Variants in PRPF39 observed in about 807,000 individuals in gnomAD.
PRPF39 encodes pre-mRNA processing factor 39.
Under a neutral mutation model 82.1 loss-of-function variants are expected in PRPF39, and 27 were observed. That is an observed-to-expected ratio of 0.33 (90% CI 0.24 to 0.45). The LOEUF is 0.45. PRPF39 is among the 20% of genes least tolerant of loss of function. The pLI is 1.00. For synonymous variants in PRPF39, 261 were observed against 256.4 expected (o/e 1.02, Z -0.17); for missense variants, 581 against 796.9 (o/e 0.73, Z 3.26).
rs775755309 is a variant in PRPF39 at position 45,092,600 on chromosome 14, C to CAAAAAAA, written c.-19-2603_-19-2597dup. 3.9e-5 allele frequency among the ~76,000 whole-genome samples: 2 copies of CAAAAAAA among 51,482 alleles called. 1 individual carries two copies. Among genetic ancestry groups the CAAAAAAA allele is most frequent in the African/African-American group, 1.2e-4 (2 of 16,058 alleles). The allele number at this position is 51,482 out of a possible 152,430, so 33.8% of individuals were successfully genotyped here. On this transcript the variant is annotated intron_variant, in intron 1 of 13. Coordinates refer to ENST00000355765, the MANE Select transcript of PRPF39 (RefSeq NM_017922.4). The stretch of plus-strand genomic sequence containing the variant: ...TGGGTGACAGATCGAGACTCTGTCT[C>CAAAAAAA]AAAAAAAAAAAAAAAAAAAAAAAAG...
In PRPF39 at chr14:45,096,916, T is replaced by A. The variant is rs1000122019; in HGVS notation, c.480T>A (p.Pro160=). Reference sequence around the variant, plus strand: ...ATCGGCGGGGGCTTCAGGCAATACCTCTTAGTGTTGACCTTTGGATACATT... The same window carrying A: ...ATCGGCGGGGGCTTCAGGCAATACCACTTAGTGTTGACCTTTGGATACATT... ...EVYRRGLQAI[P]LSVDLWIHYI... is the part of the protein sequence containing the mutation. Residue 160 remains proline, a synonymous_variant, in exon 4 of 14, where the codon CCT becomes CCA. Transcript: ENST00000355765. 1.9e-6 allele frequency: 3 copies of A among 1,546,918 alleles called. No individual in the cohort carries two copies. The highest frequency in any genetic ancestry group is 2.4e-5 in the East Asian group (1 of 40,988).
At chr14:45,088,006 C>A (rs1286961433) in intron 1 of PRPF39, among the ~76,000 whole-genome samples, 1 of 152,050 alleles carries the variant, frequency 6.6e-6, no homozygotes, top group Admixed American at 6.5e-5. Flanking sequence ...GTTTATTGTT[C>A]AATGAATTGA....
At chr14:45,099,632 G>A (rs1044910460) in intron 4 of PRPF39, among the ~76,000 whole-genome samples, 1 of 151,974 alleles carries the variant, frequency 6.6e-6, no homozygotes, top group Non-Finnish European at 1.5e-5. Context: ...TTTTAGTAGA[G>A]ACAGGGTTTC....
At chr14:45,090,183 C>T (rs1325858214) in intron 1 of PRPF39, among the ~76,000 whole-genome samples, 1 of 152,076 alleles carries the variant, frequency 6.6e-6, no homozygotes, top group Non-Finnish European at 1.5e-5. Context: ...AATCTTCAAA[C>T]GTATCTTTTT....
At chr14:45,087,840 G>A (rs1375129135) in intron 1 of PRPF39, among the ~76,000 whole-genome samples, 1 of 150,426 alleles carries the variant, frequency 6.6e-6, no homozygotes, top group Non-Finnish European at 1.5e-5. Context: ...GCCCGCCTCA[G>A]CCTCCCAAAG....
At chr14:45,093,045 A>G (rs539762098) in intron 1 of PRPF39, among the ~76,000 whole-genome samples, 2 of 152,280 alleles carry the variant, frequency 1.3e-5, no homozygotes, top group Non-Finnish European at 2.9e-5. Context: ...ATGGAGAACA[A>G]TTGTTAACAC....
chr14:45,110,659 G>A lies in PRPF39; in HGVS notation c.1414G>A (p.Glu472Lys). The change falls in exon 10 of 14, where the codon GAA (glutamate) becomes AAA (lysine). Residue 472 changes from glutamate to lysine, a missense_variant. Transcript: ENST00000355765. This position sits in a 1 kb window ranked among gnomAD's most constrained non-coding sequence, Gnocchi z 4.0. ...TTTAGAACGACGGCATGGAAATCTG[G>A]AAGAAGCTGAACATTTGCTTCAGGA... The part of the protein sequence containing the change: ...VSLERRHGNL[E>K]EAEHLLQDAI... 6.3e-7 allele frequency: 1 copy of A among 1,576,438 alleles called. No individual in the cohort carries two copies. The highest frequency in any genetic ancestry group is 8.6e-7 in the Non-Finnish European group (1 of 1,159,562).
chr14:45,102,482 G>A, intron 4 of PRPF39, 47 bp from the exon 5 acceptor site: 1 of 1,432,160 alleles, frequency 7.0e-7, no homozygotes, highest in Non-Finnish European at 9.4e-7. Context: ...TATTTTAAAA[G>A]TGATTTTATC....
rs1884775482 is a variant in PRPF39, at chr14:45,114,274, T to C, written c.1832+17T>C. On this transcript the variant is annotated intron_variant, in intron 12 of 13. Transcript: ENST00000355765. The stretch of plus-strand genomic sequence containing the variant: ...AGAAAATGGGTATGTCACTTTTTGC[T>C]AAGTCAAGAAGGCGTGCTTCATTAT... 1 of 1,559,402 alleles carries C rather than the reference T, an allele frequency of 6.4e-7. No homozygotes were observed. Among genetic ancestry groups the C allele is most frequent in the Non-Finnish European group, 8.8e-7 (1 of 1,136,528 alleles).
intron 7 of PRPF39, 26 bp downstream of exon 7, chr14:45,108,548 C>A: frequency 6.4e-7 from 1 of 1,564,476 alleles, no homozygotes; most frequent in Non-Finnish European, 8.6e-7. Flanking sequence ...TTGTAATAGT[C>A]TTTAAAATAC....
chr14:45,085,850 C>G (rs1883809600), intron 1 of PRPF39, among the ~76,000 whole-genome samples: 1 of 151,230 alleles, frequency 6.6e-6, no homozygotes, highest in Non-Finnish European at 1.5e-5. Flanking sequence ...GTGATGACTT[C>G]AGATTTTTAT....
intron 1 of PRPF39, among the ~76,000 whole-genome samples, chr14:45,087,801 A>C (rs1367904102): frequency 7.2e-6 from 1 of 139,536 alleles, no homozygotes. Context: ...GTTAGACAGG[A>C]TGGTCTCTAT....
intron 10 of PRPF39, among the ~76,000 whole-genome samples, chr14:45,111,658 T>TGA (rs1884702673): frequency 7.0e-6 from 1 of 143,298 alleles, no homozygotes; most frequent in Non-Finnish European, 1.5e-5. Context: ...TTTTTTTTTT[T>TGA]GAGACAGAGT....
intron 1 of PRPF39, among the ~76,000 whole-genome samples, chr14:45,087,474 T>C (rs1883869029): frequency 6.6e-6 from 1 of 152,154 alleles, no homozygotes. Context: ...TTCATTTTTA[T>C]ACCGAGGTAT....
intron 1 of PRPF39, among the ~76,000 whole-genome samples, chr14:45,093,851 G>A (rs891018180): frequency 6.6e-6 from 1 of 152,112 alleles, no homozygotes; most frequent in South Asian, 2.1e-4. Flanking sequence ...CACCACGCCC[G>A]GCCAAAGCAG....
chr14:45,089,855 G>A (rs1883965493), intron 1 of PRPF39, among the ~76,000 whole-genome samples: 1 of 152,168 alleles, frequency 6.6e-6, no homozygotes, highest in South Asian at 2.1e-4. Flanking sequence ...TAACTTTAGT[G>A]TATTCTTTTG....
At chr14:45,101,544 C>T (rs1201785268) in intron 4 of PRPF39, among the ~76,000 whole-genome samples, 1 of 151,928 alleles carries the variant, frequency 6.6e-6, no homozygotes, top group African/African-American at 2.4e-5. Context: ...CAGCTCACTG[C>T]CACTTTCGCC....
intron 1 of PRPF39, among the ~76,000 whole-genome samples, chr14:45,094,496 C>G (rs1174591115): frequency 6.6e-6 from 1 of 152,058 alleles, no homozygotes. Flanking sequence ...AACTTCTGGG[C>G]TCAGGTGATC....
intron 1 of PRPF39, among the ~76,000 whole-genome samples, chr14:45,085,926 G>A (rs1266064684): frequency 1.3e-5 from 2 of 151,030 alleles, no homozygotes; most frequent in Admixed American, 6.6e-5. Flanking sequence ...ACAGGAATAA[G>A]AGGCATACAG....
Sources: allele counts gnomAD v4.1 joint callset (sites outside exome capture counted in the v4.1 genomes callset), GRCh38; gene constraint gnomAD v4.1.1; non-coding constraint Gnocchi (gnomAD v3.1); transcripts MANE v1.5; gene names NCBI Gene and HGNC (gene_info 2026-07-23, HGNC 2026-07-21).